The following ITGB2 variants were observed in gnomAD, a reference collection of about 807,000 sequenced individuals.
The protein encoded by ITGB2 is integrin subunit beta 2, also known as integrin beta-2.
A neutral mutation model predicts 86.8 loss-of-function variants in ITGB2; 56 were observed. The ratio of observed to expected loss-of-function variants is 0.65; its 90% CI spans 0.52 to 0.81. The LOEUF is 0.81. Ranked by LOEUF, ITGB2 falls within the 30% of genes least tolerant of loss-of-function variation. The pLI, the probability that ITGB2 is intolerant of heterozygous loss-of-function variation, is 0.00. For synonymous variants in ITGB2, 457 were observed against 450.4 expected (o/e 1.01, Z -0.19); for missense variants, 948 against 1,061.2 (o/e 0.89, Z 1.48).
intron 6 of ITGB2, 77 bp downstream of exon 6, chr21:44,901,415 C>A: frequency 1.3e-6 from 2 of 1,553,014 alleles, no homozygotes; most frequent in South Asian, 1.2e-5. Flanking sequence ...AGGGTACCCC[C>A]CTGCCCCCAC....
chr21:44,898,454 T>C (rs567004570), intron 8 of ITGB2, among the ~76,000 whole-genome samples: 1 of 152,364 alleles, frequency 6.6e-6, no homozygotes, highest in African/African-American at 2.4e-5. Flanking sequence ...TACTGGTTCC[T>C]GAGCTCTGCA....
rs530015618 is a variant in ITGB2, at chr21:44,918,685, C to G, written c.-4+2136G>C. On this transcript the variant is annotated intron_variant, in intron 1 of 15. Coordinates refer to ENST00000652462, the MANE Select transcript of ITGB2 (RefSeq NM_000211.5). ...TCTGGGGGCCTCTTCCCCAGGGAGTCTCCTGGTGGTGGCCGTGTTGCCTCA... is the reference window on the plus strand; with the variant it reads ...TCTGGGGGCCTCTTCCCCAGGGAGTGTCCTGGTGGTGGCCGTGTTGCCTCA... 1.5e-4 allele frequency among the ~76,000 whole-genome samples: 23 copies of G among 152,338 alleles called. No individual in the cohort carries two copies. In the South Asian group the frequency reaches 4.8e-3, roughly 32 times the overall value.
chr21:44,922,768 C>A (rs996958246), upstream of ITGB2: 18 of 151,954 alleles, frequency 1.2e-4, no homozygotes, highest in African/African-American at 4.1e-4. Context: ...GGAATAATTT[C>A]AAACCCATCA....
At chr21:44,911,663 C>A (rs2084135312) in intron 1 of ITGB2, among the ~76,000 whole-genome samples, 1 of 152,212 alleles carries the variant, frequency 6.6e-6, no homozygotes, top group Non-Finnish European at 1.5e-5. Context: ...GGGGTCCTGC[C>A]CTTTTGTTTC....
At chr21:44,901,835 C>G in intron 5 of ITGB2, 102 bp from the exon 6 acceptor site, 8 of 1,329,476 alleles carry the variant, frequency 6.0e-6, no homozygotes, top group Middle Eastern at 1.9e-4. Flanking sequence ...TCTCTCCTAG[C>G]AGGGAGGTGG....
At chr21:44,916,014 C>T (rs558318566) in intron 1 of ITGB2, among the ~76,000 whole-genome samples, 112 of 152,134 alleles carry the variant, frequency 7.4e-4, no homozygotes, top group Non-Finnish European at 4.1e-4. Flanking sequence ...CCTCCGCCTC[C>T]CATGTTCAAG....
chr21:44,888,367 G>A (rs1000511783), intron 14 of ITGB2, among the ~76,000 whole-genome samples: 3 of 152,276 alleles, frequency 2.0e-5, no homozygotes, highest in Non-Finnish European at 4.4e-5. Context: ...TGCCCCATGA[G>A]GCATCCAGCG....
At chr21:44,894,584 C>A in intron 9 of ITGB2, 1 of 341,124 alleles carries the variant, frequency 2.9e-6, no homozygotes, top group Non-Finnish European at 5.8e-6. Context: ...AATTCCACCC[C>A]CCAGGGTGTC....
chr21:44,917,533 G>T (rs2084229414), intron 1 of ITGB2, among the ~76,000 whole-genome samples: 1 of 152,196 alleles, frequency 6.6e-6, no homozygotes, highest in Non-Finnish European at 1.5e-5. Context: ...CTGTGACGTT[G>T]ATGAGGACGC....
At chr21:44,889,079 C>A (rs2083744005) in intron 13 of ITGB2, 184 bp from the exon 14 acceptor site, 4 of 700,808 alleles carry the variant, frequency 5.7e-6, no homozygotes, top group Non-Finnish European at 9.8e-6. Flanking sequence ...GATCCCAGGG[C>A]CCGCGGCAGG....
chr21:44,892,680 T>C (rs1463328154), intron 10 of ITGB2, among the ~76,000 whole-genome samples: 1 of 148,478 alleles, frequency 6.7e-6, no homozygotes, highest in Non-Finnish European at 1.5e-5. Context: ...CAAAGTCATA[T>C]TAAGAAAATG....
In ITGB2 at chr21:44,918,425, T is replaced by G. The variant is rs1226567382; in HGVS notation, c.-4+2396A>C. On this transcript the variant is annotated intron_variant, in intron 1 of 15. Transcript: ENST00000652462. ...GGGCCAGAGTGGACAGACCTGGGCC[T>G]GGCAGGAGCCCTGGGGAAGTGAGTT... 3.3e-5 allele frequency among the ~76,000 whole-genome samples: 5 copies of G among 152,236 alleles called. No homozygotes were observed. In the East Asian group the frequency reaches 9.6e-4, roughly 29 times the overall value.
chr21:44,894,706 A>G, intron 9 of ITGB2: 1 of 513,378 alleles, frequency 1.9e-6, no homozygotes, highest in East Asian at 3.6e-5. Flanking sequence ...CCCGCAGAGA[A>G]GAGTCTGGAA....
intron 1 of ITGB2, among the ~76,000 whole-genome samples, chr21:44,915,352 A>G (rs986827058): frequency 2.0e-5 from 3 of 151,798 alleles, no homozygotes; most frequent in African/African-American, 4.8e-5. Context: ...ACCCCGTAAA[A>G]CCCTAAGACG....
rs117031423 is a variant in ITGB2 at position 44,900,973 on chromosome 21, A to C, written c.742-498T>G. On this transcript the variant is annotated intron_variant, in intron 6 of 15. Transcript: ENST00000652462. ...AGCAGTGTGTCTGCGCTGGGACTGC[A>C]GGGAAGCAGGAGAGCTAAGGTGGGT... Among the ~76,000 whole-genome samples, 1,142 of 152,304 alleles carry C rather than the reference A, an allele frequency of 7.5e-3. 60 individuals are homozygous for C. The East Asian group carries it at 0.15, about 20-fold the overall frequency.
At position 44,919,229 on chromosome 21, in the gene ITGB2, G is replaced by A. The variant is rs138907454; in HGVS notation, c.-4+1592C>T. Among the ~76,000 whole-genome samples, 89 of 152,246 alleles carry A rather than the reference G, an allele frequency of 5.8e-4. 2 individuals are homozygous for A. In the East Asian group the frequency reaches 6.5e-3, roughly 11 times the overall value. On this transcript the variant is annotated intron_variant, in intron 1 of 15. Transcript: ENST00000652462. ...GGCCCTGCTCAGGATGGCACCCGGC[G>A]GGGACTGGCCCTGGGGCCGAGGCAT...
chr21:44,900,979 G>A (rs886648813), intron 6 of ITGB2, among the ~76,000 whole-genome samples: 16 of 152,344 alleles, frequency 1.1e-4, no homozygotes, highest in Admixed American at 9.8e-4. Context: ...CTGCAGGGAA[G>A]CAGGAGAGCT....
intron 3 of ITGB2, chr21:44,907,853 C>G (rs1057185140): frequency 1.8e-6 from 1 of 566,170 alleles, no homozygotes; most frequent in South Asian, 2.4e-5. Flanking sequence ...CCCCAGGGTG[C>G]CTCTTTGTAG....
In ITGB2 at chr21:44,886,719, C is replaced by A; in HGVS notation, c.2247+17G>T. 1.2e-6 allele frequency: 2 copies of A among 1,613,976 alleles called. No individual in the cohort carries two copies. Among genetic ancestry groups the A allele is most frequent in the Non-Finnish European group, 1.7e-6 (2 of 1,179,996 alleles). ...CACGTGCCCCTCTGCGTGGGACCCC[C>A]AAGGACGGCCACTTACATTGTTCCA... On this transcript the variant is annotated intron_variant, in intron 15 of 15. Transcript: ENST00000652462.
Sources: gnomAD v4.1 joint callset for allele counts (sites outside exome capture counted in the v4.1 genomes callset) on GRCh38, gnomAD v4.1.1 for gene constraint, MANE v1.5 for transcripts, NCBI Gene and HGNC (gene_info 2026-07-23, HGNC 2026-07-21) for gene names.